CCSER1: variants seen among roughly 807,000 people sequenced by gnomAD.
CCSER1 encodes the protein coiled-coil serine rich protein 1.
In CCSER1, 41 loss-of-function variants were observed where a neutral mutation model predicts 82.0. The observed-to-expected ratio is 0.50, with a 90% confidence interval of 0.39 to 0.65. The LOEUF is 0.65. Among genes scored for constraint, CCSER1 ranks in the 30% least tolerant of loss-of-function variants. The probability of loss-of-function intolerance (pLI) is 0.00; values close to 1 mark genes in which losing one functional copy is unlikely to be tolerated. For missense variants in CCSER1, 1,119 were observed against 1,064.2 expected (o/e 1.05, Z -0.72); for synonymous variants, 414 against 383.9 (o/e 1.08, Z -0.92).
intron 10 of CCSER1, among the ~76,000 whole-genome samples, chr4:91,158,058 C>G (rs1018474770): frequency 6.6e-6 from 1 of 151,880 alleles, no homozygotes; most frequent in African/African-American, 2.4e-5. Flanking sequence ...ATCTAATGAG[C>G]CTACTGTCTT....
chr4:91,385,741 A>G (rs1023721609), intron 10 of CCSER1, among the ~76,000 whole-genome samples: 3 of 152,014 alleles, frequency 2.0e-5, no homozygotes, highest in Admixed American at 6.6e-5. Context: ...TTCTAGGAGT[A>G]GTTTTCTTAT....
intron 1 of CCSER1, among the ~76,000 whole-genome samples, chr4:90,131,855 T>A (rs1030931678): frequency 6.6e-6 from 1 of 152,192 alleles, no homozygotes; most frequent in Non-Finnish European, 1.5e-5. Context: ...GTTGTTTTTT[T>A]CTTTGTGTAT....
chr4:91,544,072 C>G (rs1340692234), intron 10 of CCSER1, among the ~76,000 whole-genome samples: 1 of 151,952 alleles, frequency 6.6e-6, no homozygotes, highest in African/African-American at 2.4e-5. Context: ...TCACTGATAC[C>G]CTTTCTTCCA....
chr4:91,534,180 A>G (rs1404762982), intron 10 of CCSER1, among the ~76,000 whole-genome samples: 1 of 151,974 alleles, frequency 6.6e-6, no homozygotes, highest in Middle Eastern at 3.2e-3. Flanking sequence ...ATTAGCCACT[A>G]CTATTGGCCT....
intron 10 of CCSER1, among the ~76,000 whole-genome samples, chr4:91,212,259 G>T (rs770742018): frequency 6.6e-6 from 1 of 151,678 alleles, no homozygotes; most frequent in African/African-American, 2.4e-5. Flanking sequence ...TCTAGGGCTC[G>T]TTTGAAAACA....
At chr4:90,773,585 T>A (rs1414625394) in intron 7 of CCSER1, among the ~76,000 whole-genome samples, 2 of 152,206 alleles carry the variant, frequency 1.3e-5, no homozygotes, top group Non-Finnish European at 2.9e-5. Context: ...CTCTCCAGTA[T>A]TTTTTAAGAT....
chr4:90,977,643 G>A (rs1389340603), intron 9 of CCSER1, among the ~76,000 whole-genome samples: 1 of 151,446 alleles, frequency 6.6e-6, no homozygotes, highest in African/African-American at 2.4e-5. Context: ...AACTTTCTCT[G>A]TGAAGCATCT....
chr4:90,557,376 A>G (rs987835308), intron 5 of CCSER1, among the ~76,000 whole-genome samples: 1 of 152,046 alleles, frequency 6.6e-6, no homozygotes, highest in Non-Finnish European at 1.5e-5. Flanking sequence ...ATTCCAAATA[A>G]GTCATATTAA....
intron 9 of CCSER1, among the ~76,000 whole-genome samples, chr4:91,079,130 A>T (rs1348747522): frequency 1.3e-5 from 2 of 152,196 alleles, no homozygotes; most frequent in African/African-American, 4.8e-5. Flanking sequence ...TAATTTTCAG[A>T]TTCACCAAAG....
chr4:90,998,698 C>A (rs1269476981), intron 9 of CCSER1, among the ~76,000 whole-genome samples: 2 of 149,336 alleles, frequency 1.3e-5, no homozygotes, highest in African/African-American at 2.5e-5. Flanking sequence ...AATTTGCATC[C>A]ATAAATCTAA....
intron 5 of CCSER1, among the ~76,000 whole-genome samples, chr4:90,536,078 G>A (rs1775318869): frequency 6.9e-6 from 1 of 144,746 alleles, no homozygotes; most frequent in African/African-American, 2.6e-5. Context: ...TGTCGCCCAG[G>A]CTGGAGTGCA....
At chr4:91,515,835 C>T (rs1240455490) in intron 10 of CCSER1, among the ~76,000 whole-genome samples, 1 of 148,068 alleles carries the variant, frequency 6.8e-6, no homozygotes, top group Non-Finnish European at 1.5e-5. Context: ...ATAAGCATTC[C>T]TTTTTCTCTG....
chr4:91,385,102 G>A (rs537860227), intron 10 of CCSER1, among the ~76,000 whole-genome samples: 3 of 152,058 alleles, frequency 2.0e-5, no homozygotes, highest in East Asian at 1.9e-4. Flanking sequence ...TGAAGATACA[G>A]GCCCAATAGT....
intron 10 of CCSER1, among the ~76,000 whole-genome samples, chr4:91,150,692 AG>A (rs1422436919): frequency 6.6e-6 from 1 of 152,158 alleles, no homozygotes; most frequent in Admixed American, 6.5e-5. Context: ...TTTAGCATGA[AG>A]GGTTGTTGAA....
In CCSER1 at chr4:91,603,348, C is replaced by T. The variant is rs141630404; in HGVS notation, c.*4291C>T. On this transcript the variant is annotated 3_prime_UTR_variant, in exon 11 of 11. Coordinates refer to ENST00000509176, the MANE Select transcript of CCSER1 (RefSeq NM_001145065.2). The stretch of plus-strand genomic sequence containing the variant: ...TATTTATTTACAATACATTTGATCT[C>T]GTTAAGACCCCAGTTCTATTTCCAA... 2.0e-5 allele frequency: 3 copies of T among 152,046 alleles called. No homozygotes were observed. The highest frequency in any genetic ancestry group is 2.4e-5 in the African/African-American group (1 of 41,416). The allele number at this position is 152,046 out of a possible 1,614,324, so 9.4% of individuals were successfully genotyped here. A position where few individuals can be genotyped will look rare whatever the true frequency, so the allele number is the denominator to read the frequency against.
chr4:91,097,908 A>T (rs1398194186), intron 10 of CCSER1, among the ~76,000 whole-genome samples: 1 of 152,186 alleles, frequency 6.6e-6, no homozygotes, highest in Non-Finnish European at 1.5e-5. Context: ...AGAGTCCAGA[A>T]TGCTTCACTA....
chr4:90,231,333 A>G (rs903957022), intron 1 of CCSER1, among the ~76,000 whole-genome samples: 1 of 152,096 alleles, frequency 6.6e-6, no homozygotes, highest in African/African-American at 2.4e-5. Context: ...AAATCAATAA[A>G]TGTAATCCAG....
At chr4:90,370,919 G>A (rs1414743857) in intron 3 of CCSER1, among the ~76,000 whole-genome samples, 1 of 151,944 alleles carries the variant, frequency 6.6e-6, no homozygotes, top group East Asian at 1.9e-4. Flanking sequence ...TATTTGTTTA[G>A]AATTAACATT....
intron 10 of CCSER1, among the ~76,000 whole-genome samples, chr4:91,594,285 A>ATG (rs577777335): frequency 1.6e-4 from 24 of 150,266 alleles, no homozygotes; most frequent in South Asian, 6.3e-4. Flanking sequence ...ATATATATAT[A>ATG]TGTGTGTATA....
Sources: allele counts gnomAD v4.1 joint callset (sites outside exome capture counted in the v4.1 genomes callset), GRCh38; gene constraint gnomAD v4.1.1; transcripts MANE v1.5; gene names NCBI Gene and HGNC (gene_info 2026-07-23, HGNC 2026-07-21).